CORO2B: variants seen among roughly 807,000 people sequenced by gnomAD.
CORO2B encodes coronin 2B, also known as coronin-2B.
Under a neutral mutation model 58.8 loss-of-function variants are expected in CORO2B, and 26 were observed. That is an observed-to-expected ratio of 0.44 (90% CI 0.32 to 0.61). CORO2B has a LOEUF of 0.61. Ranked by LOEUF, CORO2B falls within the 20% of genes least tolerant of loss-of-function variation. The probability of loss-of-function intolerance (pLI) is 0.04; values close to 1 mark genes in which losing one functional copy is unlikely to be tolerated. For missense variants in CORO2B, 460 were observed against 645.1 expected (o/e 0.71, Z 3.11); for synonymous variants, 242 against 253.8 (o/e 0.95, Z 0.44).
At chr15:68,579,681 C>A (rs955890499) in intron 1 of CORO2B, among the ~76,000 whole-genome samples, 1 of 152,196 alleles carries the variant, frequency 6.6e-6, no homozygotes, top group Non-Finnish European at 1.5e-5. Flanking sequence ...ATGGGCCTGC[C>A]GCCCCGAGGA....
the CORO2B span, among the ~76,000 whole-genome samples, chr15:68,552,641 C>A: frequency 6.6e-6 from 1 of 152,122 alleles, no homozygotes; most frequent in South Asian, 2.1e-4. Context: ...CTGCCTCCTG[C>A]ACACACTGGA....
At chr15:68,528,177 T>C in the CORO2B span, among the ~76,000 whole-genome samples, 8 of 152,178 alleles carry the variant, frequency 5.3e-5, no homozygotes, top group Non-Finnish European at 1.0e-4. Flanking sequence ...CAATGTTGAA[T>C]AGAAGTAATA....
intron 11 of CORO2B, among the ~76,000 whole-genome samples, chr15:68,724,067 T>C (rs1268947251): frequency 1.3e-5 from 2 of 152,032 alleles, no homozygotes. Flanking sequence ...CCGGGCGTGA[T>C]GGCACACACC....
chr15:68,710,818 G>A lies in CORO2B; in HGVS notation c.420G>A (p.Val140=). 6.2e-7 allele frequency: 1 copy of A among 1,611,820 alleles called. No homozygotes were observed. ...LLELHGHSRR[V]GLVEWHPTTN... ...AGCTGCACGGGCACAGCCGGCGTGTGGGGCTGGTCGAGTGGCACCCCACCA... is the reference window on the plus strand; with the variant it reads ...AGCTGCACGGGCACAGCCGGCGTGTAGGGCTGGTCGAGTGGCACCCCACCA... The change falls in exon 4 of 12, where the codon GTG becomes GTA. Residue 140 remains valine, a synonymous_variant. Coordinates refer to ENST00000261861, the MANE Select transcript of CORO2B (RefSeq NM_006091.5). This position sits in a 1 kb window ranked among gnomAD's most constrained non-coding sequence, Gnocchi z 4.1.
rs933708194 is a variant in CORO2B, at chr15:68,727,305, C to T, written c.*1331C>T. ...CCGAGAGAAGTGGCCCAAGGTCACG[C>T]AACTCTGAGATGCCACATTTCATTT... On this transcript the variant is annotated 3_prime_UTR_variant, in exon 12 of 12. Coordinates refer to ENST00000261861, the MANE Select transcript of CORO2B (RefSeq NM_006091.5). The T allele has an allele frequency of 1.3e-5, 2 of 152,740 alleles. No homozygotes were observed. Among genetic ancestry groups the T allele is most frequent in the Admixed American group, 6.5e-5 (1 of 15,298 alleles). The allele number at this position is 152,740 out of a possible 1,614,324, so 9.5% of individuals were successfully genotyped here. A position where few individuals can be genotyped will look rare whatever the true frequency, so the allele number is the denominator to read the frequency against.
intron 1 of CORO2B, among the ~76,000 whole-genome samples, chr15:68,620,986 G>A (rs183656506): frequency 6.6e-5 from 10 of 152,340 alleles, no homozygotes; most frequent in Non-Finnish European, 1.2e-4. Context: ...ATGCTGCTCC[G>A]CTTCCGGGAA....
intron 2 of CORO2B, among the ~76,000 whole-genome samples, chr15:68,684,333 A>G (rs1902890965): frequency 6.6e-6 from 1 of 152,208 alleles, no homozygotes; most frequent in Admixed American, 6.5e-5. Flanking sequence ...CCTCTTTGGA[A>G]GGCTTTTGTT....
intron 2 of CORO2B, among the ~76,000 whole-genome samples, chr15:68,683,224 T>A (rs1436915184): frequency 6.6e-6 from 1 of 151,906 alleles, no homozygotes; most frequent in East Asian, 1.9e-4. Context: ...TAGGGAGGGG[T>A]TCCTGATGTT....
At chr15:68,721,477 G>A (rs57119614) in intron 11 of CORO2B, among the ~76,000 whole-genome samples, 1,870 of 152,044 alleles carry the variant, frequency 0.012, 29 homozygotes, top group African/African-American at 0.043. Flanking sequence ...AGGCCAAGGC[G>A]GGTGGATCAC....
At chr15:68,520,832 G>A in the CORO2B span, among the ~76,000 whole-genome samples, 3 of 152,110 alleles carry the variant, frequency 2.0e-5, no homozygotes, top group Non-Finnish European at 4.4e-5. Context: ...GATCACCTGA[G>A]GTCAGGAGTT....
chr15:68,612,937 C>T (rs1440221398), intron 1 of CORO2B, among the ~76,000 whole-genome samples: 1 of 152,136 alleles, frequency 6.6e-6, no homozygotes, highest in East Asian at 1.9e-4. Context: ...TCTGGAGTTC[C>T]TTTCCCAGGT....
chr15:68,559,523 A>T, the CORO2B span: 1,866 of 888,630 alleles, frequency 2.1e-3, 2 homozygotes, highest in Non-Finnish European at 2.3e-3. This position sits in a 1 kb window ranked among gnomAD's most constrained non-coding sequence, Gnocchi z 4.3. Flanking sequence ...GTGAGGGGGT[A>T]GCGGGGAGGG....
chr15:68,595,326 C>T (rs1225708611), intron 1 of CORO2B, among the ~76,000 whole-genome samples: 3 of 152,238 alleles, frequency 2.0e-5, no homozygotes, highest in Non-Finnish European at 2.9e-5. Flanking sequence ...AGGATTTCCT[C>T]CCAGGAAGGG....
At chr15:68,644,859 A>G (rs1901369886) in intron 1 of CORO2B, among the ~76,000 whole-genome samples, 1 of 152,180 alleles carries the variant, frequency 6.6e-6, no homozygotes, top group African/African-American at 2.4e-5. Flanking sequence ...GTTCCTGGGT[A>G]GTAAAAGGAC....
In CORO2B at chr15:68,645,488, A is replaced by G; in HGVS notation, c.216+128A>G. ...CCTTTTACTTCCTCATCAAGCATCTAGTGGCTATGCCTTCTTTAGGGTTTT... is the reference window on the plus strand; with the variant it reads ...CCTTTTACTTCCTCATCAAGCATCTGGTGGCTATGCCTTCTTTAGGGTTTT... On this transcript the variant is annotated intron_variant, in intron 2 of 11. Coordinates refer to ENST00000261861, the MANE Select transcript of CORO2B (RefSeq NM_006091.5). This position sits in a 1 kb window ranked among gnomAD's most constrained non-coding sequence, Gnocchi z 4.5. 2 of 833,904 alleles carry G rather than the reference A, an allele frequency of 2.4e-6. No individual in the cohort carries two copies. Among genetic ancestry groups the G allele is most frequent in the South Asian group, 3.5e-5 (2 of 56,474 alleles). 51.7% of individuals were successfully genotyped at this position (833,904 alleles called of 1,614,324 possible).
chr15:68,712,160 TG>T (rs1371957376), intron 5 of CORO2B, among the ~76,000 whole-genome samples: 1 of 152,166 alleles, frequency 6.6e-6, no homozygotes, highest in Non-Finnish European at 1.5e-5. Context: ...TCCTGGGTCT[TG>T]GGTTTGAGGA....
intron 2 of CORO2B, among the ~76,000 whole-genome samples, chr15:68,667,003 C>A (rs998571205): frequency 3.3e-5 from 5 of 152,058 alleles, no homozygotes; most frequent in Admixed American, 2.6e-4. Context: ...TCAGCTGCAG[C>A]ACAGGTGAGG....
rs1187947388 is a variant in CORO2B at position 68,710,448 on chromosome 15, G to A, written c.334-284G>A. Among the ~76,000 whole-genome samples the A allele has an allele frequency of 1.3e-5, 2 of 152,168 alleles. No homozygotes were observed. The highest frequency in any genetic ancestry group is 2.9e-5 in the Non-Finnish European group (2 of 68,036). ...GGGCTCATGCATGTTCTTCTTATCC[G>A]GGCTAGGCCACAGCAGTAGCAACAT... On this transcript the variant is annotated intron_variant, in intron 3 of 11. Coordinates refer to ENST00000261861, the MANE Select transcript of CORO2B (RefSeq NM_006091.5). This position sits in a 1 kb window ranked among gnomAD's most constrained non-coding sequence, Gnocchi z 4.1.
chr15:68,641,385 C>A, intron 1 of CORO2B: 1 of 272,826 alleles, frequency 3.7e-6, no homozygotes, highest in Non-Finnish European at 5.6e-6. Context: ...GCCTTCACCA[C>A]AGATGCCTCC....
Sources: allele counts gnomAD v4.1 joint callset (sites outside exome capture counted in the v4.1 genomes callset), GRCh38; gene constraint gnomAD v4.1.1; non-coding constraint Gnocchi (gnomAD v3.1); transcripts MANE v1.5; gene names NCBI Gene and HGNC (gene_info 2026-07-23, HGNC 2026-07-21).